SOX5: variants seen among roughly 807,000 people sequenced by gnomAD.
SOX5 encodes transcription factor SOX-5.
A neutral mutation model predicts 92.0 loss-of-function variants in SOX5; 9 were observed. The observed-to-expected ratio is 0.10, with a 90% confidence interval of 0.06 to 0.17. The LOEUF (loss-of-function observed/expected upper bound fraction) is 0.17, where lower values mean the gene tolerates loss of function less well. Among genes scored for constraint, SOX5 ranks in the 10% least tolerant of loss-of-function variants. The pLI is 1.00. For synonymous variants in SOX5, 344 were observed against 336.3 expected, an observed-to-expected ratio of 1.02 and a Z score of -0.25; for missense variants, 642 against 944.5, an observed-to-expected ratio of 0.68 and a Z score of 4.20.
intron 6 of SOX5, among the ~76,000 whole-genome samples, chr12:23,704,254 T>C (rs1263109796): frequency 1.3e-5 from 2 of 151,878 alleles, no homozygotes; most frequent in Non-Finnish European, 2.9e-5. Context: ...TGCTCACAAG[T>C]TCTTTAATAA....
At chr12:24,453,197 T>C (rs1316024758) in intron 1 of SOX5, among the ~76,000 whole-genome samples, 1 of 152,156 alleles carries the variant, frequency 6.6e-6, no homozygotes, top group Non-Finnish European at 1.5e-5. Context: ...AATACATGGT[T>C]AAAGCAATTA....
intron 1 of SOX5, among the ~76,000 whole-genome samples, chr12:23,939,172 T>C (rs1342530111): frequency 6.6e-6 from 1 of 151,080 alleles, no homozygotes; most frequent in African/African-American, 2.4e-5. Flanking sequence ...CATCACAAAG[T>C]TCTAATTCTT....
At position 23,530,964 on chromosome 12, in the gene SOX5, T is replaced by G. The variant is rs1231605432; in HGVS notation, c.*3255A>C. ...TTACTCTCATTTTCTTTATCTTTTT[T>G]GGTCATTATGGGGCACAGAAAAAGA... On this transcript the variant is annotated 3_prime_UTR_variant, in exon 15 of 15. Coordinates refer to ENST00000451604, the MANE Select transcript of SOX5 (RefSeq NM_006940.6). The G allele has an allele frequency of 6.6e-6, 1 of 152,160 alleles. No individual in the cohort carries two copies. Among genetic ancestry groups the G allele is most frequent in the African/African-American group, 2.4e-5 (1 of 41,424 alleles). 9.4% of individuals were successfully genotyped at this position (152,160 alleles called of 1,614,324 possible).
At chr12:24,076,011 G>A (rs889591358) in intron 4 of SOX5, among the ~76,000 whole-genome samples, 3 of 152,102 alleles carry the variant, frequency 2.0e-5, no homozygotes, top group African/African-American at 7.2e-5. Flanking sequence ...GAAGATCTCT[G>A]GGATGGAAAA....
At chr12:24,478,419 C>T (rs576977084) in intron 1 of SOX5, among the ~76,000 whole-genome samples, 18 of 152,292 alleles carry the variant, frequency 1.2e-4, no homozygotes, top group African/African-American at 3.9e-4. Flanking sequence ...CATCAGAACA[C>T]TGCAATGTTT....
intron 3 of SOX5, among the ~76,000 whole-genome samples, chr12:23,770,697 A>G (rs2094904191): frequency 6.6e-6 from 1 of 152,218 alleles, no homozygotes; most frequent in South Asian, 2.1e-4. Context: ...ATCAGTAAGC[A>G]GCACCTAACT....
rs558140328 is a variant in SOX5, at chr12:24,402,987, T to A, written c.-250-34348A>T. Among the ~76,000 whole-genome samples, 3 of 152,310 alleles carry A rather than the reference T, an allele frequency of 2.0e-5. No homozygotes were observed. In the East Asian group the frequency reaches 5.8e-4, roughly 29 times the overall value. ...ATTCTAAACATACTCTTCCCCTACATGAAAATCTTTCTTGCCAATAGGATA... is the reference window on the plus strand; with the variant it reads ...ATTCTAAACATACTCTTCCCCTACAAGAAAATCTTTCTTGCCAATAGGATA... On this transcript the variant is annotated intron_variant, in intron 1 of 4. Transcript: ENST00000446891.
intron 6 of SOX5, among the ~76,000 whole-genome samples, chr12:23,696,610 C>G (rs2089909191): frequency 2.0e-5 from 3 of 152,108 alleles, no homozygotes; most frequent in Non-Finnish European, 2.9e-5. Context: ...ATTTTTACTA[C>G]TCTTAATTTT....
chr12:24,529,287 C>T (rs898739407), intron 1 of SOX5, among the ~76,000 whole-genome samples: 24 of 152,216 alleles, frequency 1.6e-4, no homozygotes, highest in African/African-American at 5.8e-4. Flanking sequence ...ATTACTTTAC[C>T]ACATCGGGTT....
intron 1 of SOX5, among the ~76,000 whole-genome samples, chr12:24,373,575 G>C (rs1193371120): frequency 1.3e-5 from 2 of 151,870 alleles, no homozygotes; most frequent in Non-Finnish European, 2.9e-5. Flanking sequence ...ATTATTTTTG[G>C]TTGACAAATC....
chr12:23,756,494 A>T (rs1308882701), intron 3 of SOX5, among the ~76,000 whole-genome samples: 1 of 151,920 alleles, frequency 6.6e-6, no homozygotes, highest in Non-Finnish European at 1.5e-5. Flanking sequence ...TGTATAAGTA[A>T]ATATAAATGC....
chr12:23,649,508 C>T (rs1188771115), intron 7 of SOX5, among the ~76,000 whole-genome samples: 1 of 152,046 alleles, frequency 6.6e-6, no homozygotes, highest in African/African-American at 2.4e-5. Flanking sequence ...TCTACTCTTC[C>T]CTAGGTTTTA....
chr12:24,010,902 G>C (rs1229631977), intron 4 of SOX5, among the ~76,000 whole-genome samples: 1 of 151,392 alleles, frequency 6.6e-6, no homozygotes, highest in African/African-American at 2.4e-5. Flanking sequence ...TCATGCCACT[G>C]CTCTCCAGCC....
chr12:23,784,476 G>A (rs1479811766), intron 3 of SOX5, among the ~76,000 whole-genome samples: 1 of 151,930 alleles, frequency 6.6e-6, no homozygotes, highest in African/African-American at 2.4e-5. Context: ...ACAGGCACCC[G>A]CCACCACGCC....
intron 4 of SOX5, among the ~76,000 whole-genome samples, chr12:23,744,336 A>G (rs2093908564): frequency 6.6e-6 from 1 of 152,184 alleles, no homozygotes; most frequent in African/African-American, 2.4e-5. Context: ...GGTACGTGCC[A>G]ACCCTAAGAT....
At chr12:23,813,444 C>T (rs78166537) in intron 3 of SOX5, among the ~76,000 whole-genome samples, 2,130 of 152,162 alleles carry the variant, frequency 0.014, 60 homozygotes, top group African/African-American at 0.049. Context: ...GCAGATGCAT[C>T]GGCTCATTCA....
intron 1 of SOX5, among the ~76,000 whole-genome samples, chr12:24,462,312 A>G (rs545522800): frequency 2.0e-5 from 3 of 152,348 alleles, no homozygotes; most frequent in African/African-American, 7.2e-5. Flanking sequence ...AAAATATAGT[A>G]TTATAATCTT....
intron 3 of SOX5, among the ~76,000 whole-genome samples, chr12:23,839,990 C>CAAAAAAAAAA (rs142394109): frequency 4.9e-5 from 6 of 121,844 alleles, no homozygotes; most frequent in East Asian, 2.3e-4. Flanking sequence ...CTCAAGAAGA[C>CAAAAAAAAAA]AAAAAAAAAA....
intron 3 of SOX5, among the ~76,000 whole-genome samples, chr12:24,248,509 C>T (rs957860581): frequency 6.6e-6 from 1 of 152,122 alleles, no homozygotes; most frequent in African/African-American, 2.4e-5. Context: ...CTCAGCCTCC[C>T]AAGTAGCTGG....
Sources: gnomAD v4.1 joint callset for allele counts (sites outside exome capture counted in the v4.1 genomes callset) on GRCh38, gnomAD v4.1.1 for gene constraint, MANE v1.5 for transcripts, NCBI Gene and HGNC (gene_info 2026-07-23, HGNC 2026-07-21) for gene names.